Variants in DCC observed in about 807,000 individuals in gnomAD.
DCC encodes DCC netrin 1 receptor, also known as netrin receptor DCC.
Under a neutral mutation model 172.5 loss-of-function variants are expected in DCC, and 58 were observed. That is an observed-to-expected ratio of 0.34 (90% CI 0.27 to 0.42). DCC has a LOEUF of 0.42. Ranked by LOEUF, DCC falls within the 10% of genes least tolerant of loss-of-function variation. The pLI is 1.00. For synonymous variants in DCC, 709 were observed against 644.5 expected (o/e 1.10, Z -1.52); for missense variants, 1,740 against 1,791.0 (o/e 0.97, Z 0.51).
intron 5 of DCC, among the ~76,000 whole-genome samples, chr18:53,019,153 C>A (rs767761501): frequency 6.6e-6 from 1 of 152,146 alleles, no homozygotes; most frequent in Non-Finnish European, 1.5e-5. Context: ...TAGCTGAGAG[C>A]TTTCACGTAA....
At chr18:53,180,276 A>G (rs952265038) in intron 9 of DCC, among the ~76,000 whole-genome samples, 2 of 152,218 alleles carry the variant, frequency 1.3e-5, no homozygotes, top group Admixed American at 6.5e-5. Context: ...GTATTAATTG[A>G]AGGGACGGAA....
At chr18:53,444,441 A>G (rs1012197983) in intron 22 of DCC, among the ~76,000 whole-genome samples, 1 of 152,136 alleles carries the variant, frequency 6.6e-6, no homozygotes, top group African/African-American at 2.4e-5. Context: ...GGAGATTGCA[A>G]TGAGCTGAGA....
chr18:52,755,554 A>G (rs1268091034), intron 2 of DCC, among the ~76,000 whole-genome samples: 2 of 152,166 alleles, frequency 1.3e-5, no homozygotes, highest in East Asian at 1.9e-4. Flanking sequence ...GAATACATCA[A>G]TGTTATGTCT....
At chr18:53,473,371 CAAAT>C (rs1171506520) in intron 25 of DCC, among the ~76,000 whole-genome samples, 1 of 152,120 alleles carries the variant, frequency 6.6e-6, no homozygotes, top group African/African-American at 2.4e-5. Flanking sequence ...AATGAAAAAA[CAAAT>C]AAATGTATTA....
chr18:52,393,538 A>C (rs1351247024), intron 1 of DCC, among the ~76,000 whole-genome samples: 1 of 152,204 alleles, frequency 6.6e-6, no homozygotes, highest in African/African-American at 2.4e-5. Flanking sequence ...TGTGGATCCA[A>C]GAATGTGGTC....
At chr18:52,419,226 A>T (rs1477280237) in intron 1 of DCC, 1 of 152,068 alleles carries the variant, frequency 6.6e-6, no homozygotes, top group Non-Finnish European at 1.5e-5. Flanking sequence ...GCTATTTACC[A>T]TCATGTTCAG....
At chr18:53,192,930 A>G (rs1355507968) in intron 9 of DCC, among the ~76,000 whole-genome samples, 1 of 152,132 alleles carries the variant, frequency 6.6e-6, no homozygotes, top group Admixed American at 6.5e-5. Context: ...TGCAGGAGTC[A>G]TTCCTGATGC....
intron 1 of DCC, among the ~76,000 whole-genome samples, chr18:52,351,479 T>G (rs1423430136): frequency 6.6e-6 from 1 of 152,170 alleles, no homozygotes; most frequent in Non-Finnish European, 1.5e-5. Context: ...CCTATATGTT[T>G]AGAGATACAT....
At chr18:53,485,176 G>C (rs2045886550) in intron 25 of DCC, among the ~76,000 whole-genome samples, 2 of 152,024 alleles carry the variant, frequency 1.3e-5, no homozygotes, top group Non-Finnish European at 2.9e-5. Context: ...GTAACTGTGA[G>C]CCGATAGATA....
intron 5 of DCC, among the ~76,000 whole-genome samples, chr18:52,956,974 T>C (rs748241146): frequency 6.6e-6 from 1 of 152,128 alleles, no homozygotes; most frequent in East Asian, 1.9e-4. Flanking sequence ...GCATATTGCT[T>C]TGAATCTCTT....
intron 1 of DCC, among the ~76,000 whole-genome samples, chr18:52,410,444 AAAC>A (rs1350338298): frequency 6.6e-6 from 1 of 152,142 alleles, no homozygotes; most frequent in Non-Finnish European, 1.5e-5. Flanking sequence ...AGGCAAAACA[AAAC>A]AACAACAACA....
At chr18:52,382,617 G>A (rs915918784) in intron 1 of DCC, among the ~76,000 whole-genome samples, 1 of 152,096 alleles carries the variant, frequency 6.6e-6, no homozygotes, top group African/African-American at 2.4e-5. Flanking sequence ...ACGACATATT[G>A]GAGAGATATT....
At chr18:53,032,891 C>G (rs1178070644) in intron 5 of DCC, among the ~76,000 whole-genome samples, 2 of 152,120 alleles carry the variant, frequency 1.3e-5, no homozygotes, top group African/African-American at 4.8e-5. Context: ...CCAGAAAACT[C>G]CCTTTGGCTC....
chr18:52,367,874 A>G (rs887296969), intron 1 of DCC, among the ~76,000 whole-genome samples: 15 of 152,224 alleles, frequency 9.9e-5, no homozygotes, highest in Admixed American at 3.3e-4. Context: ...TCTTTCTGCA[A>G]TTGAGGCCCT....
chr18:52,694,084 C>A (rs2035972896), intron 1 of DCC, among the ~76,000 whole-genome samples: 1 of 152,066 alleles, frequency 6.6e-6, no homozygotes. Flanking sequence ...ATGTTAATAG[C>A]ATGTCCCCCA....
chr18:52,896,457 T>C (rs1448656824), intron 2 of DCC, among the ~76,000 whole-genome samples: 1 of 152,188 alleles, frequency 6.6e-6, no homozygotes, highest in East Asian at 1.9e-4. Flanking sequence ...TATTCATTAT[T>C]TGCTATCTAG....
At chr18:52,471,121 C>T (rs527558061) in intron 1 of DCC, among the ~76,000 whole-genome samples, 8 of 152,012 alleles carry the variant, frequency 5.3e-5, no homozygotes, top group South Asian at 2.1e-4. Context: ...GAGGCTGAGG[C>T]GGAAGGATCA....
chr18:52,434,972 G>C (rs1463700612), intron 1 of DCC, among the ~76,000 whole-genome samples: 1 of 152,044 alleles, frequency 6.6e-6, no homozygotes, highest in Non-Finnish European at 1.5e-5. Context: ...CCTTTCTTGC[G>C]AGTAATCATA....
chr18:53,019,123 T>G (rs2041846306), intron 5 of DCC, among the ~76,000 whole-genome samples: 1 of 152,166 alleles, frequency 6.6e-6, no homozygotes, highest in Admixed American at 6.5e-5. Context: ...TTTTAACAAT[T>G]ATCATTTTTA....
Sources: allele counts gnomAD v4.1 joint callset (sites outside exome capture counted in the v4.1 genomes callset), GRCh38; gene constraint gnomAD v4.1.1; transcripts MANE v1.5; gene names NCBI Gene and HGNC (gene_info 2026-07-23, HGNC 2026-07-21).